CNNM1: variants seen among roughly 807,000 people sequenced by gnomAD.
The protein encoded by CNNM1 is metal transporter CNNM1.
Under a neutral mutation model 78.8 loss-of-function variants are expected in CNNM1, and 44 were observed. The ratio of observed to expected loss-of-function variants is 0.56; its 90% confidence interval spans 0.44 to 0.72. The LOEUF is 0.72. Ranked by LOEUF, CNNM1 falls within the 30% of genes least tolerant of loss-of-function variation. The pLI, the probability that CNNM1 is intolerant of heterozygous loss-of-function variation, is 0.00. For synonymous variants in CNNM1, 584 were observed against 581.5 expected (o/e 1.00, Z -0.06); for missense variants, 1,101 against 1,292.2 (o/e 0.85, Z 2.27).
At chr10:99,349,394 G>A (rs1170555770) in intron 1 of CNNM1, among the ~76,000 whole-genome samples, 1 of 152,082 alleles carries the variant, frequency 6.6e-6, no homozygotes, top group African/African-American at 2.4e-5. Context: ...ATATTTATCT[G>A]TAGGTGAGGA....
rs776210524 is a variant in CNNM1 at position 99,377,181 on chromosome 10, A to G, written c.2303A>G (p.Tyr768Cys). ...SSSNNLYMPD[Y>C]SVHILSDVQF... Reference sequence around the variant, plus strand: ...AGCAACAACCTCTACATGCCTGACTACTCAGTCCACATCCTCAGCGATGTG... The same window carrying G: ...AGCAACAACCTCTACATGCCTGACTGCTCAGTCCACATCCTCAGCGATGTG... Residue 768 changes from tyrosine (Y) to cysteine (C), a missense_variant, in exon 7 of 11, where the codon TAC (tyrosine) becomes TGC (cysteine). Tyr to Cys is a radical substitution (Grantham distance 194, BLOSUM62 -2). Transcript: ENST00000356713. The G allele has an allele frequency of 6.2e-7, 1 of 1,613,438 alleles. No individual in the cohort carries two copies. The highest frequency in any genetic ancestry group is 8.5e-7 in the Non-Finnish European group (1 of 1,179,788).
At chr10:99,386,428 C>G (rs1458960183) in intron 7 of CNNM1, among the ~76,000 whole-genome samples, 1 of 152,180 alleles carries the variant, frequency 6.6e-6, no homozygotes, top group Non-Finnish European at 1.5e-5. Flanking sequence ...AATTCTGATG[C>G]TGAGGTTTGA....
At chr10:99,342,442 T>C (rs1296972634) in intron 1 of CNNM1, among the ~76,000 whole-genome samples, 1 of 152,252 alleles carries the variant, frequency 6.6e-6, no homozygotes, top group South Asian at 2.1e-4. Context: ...TTGGCTTTTT[T>C]ATAATTGCCT....
chr10:99,352,363 CAT>C (rs1335244184), intron 1 of CNNM1, among the ~76,000 whole-genome samples: 5 of 152,278 alleles, frequency 3.3e-5, no homozygotes, highest in East Asian at 3.9e-4. Context: ...TGTTTGGAAA[CAT>C]GTACAAGTTT....
At position 99,378,110 on chromosome 10, in the gene CNNM1, C is replaced by T. The variant is rs968365024; in HGVS notation, c.2340+892C>T. ...TCCCGAGTAGCTGGGACTACAGGCACGTGCCACCACGTCCAGCTAACTTTT... is the reference window on the plus strand; with the variant it reads ...TCCCGAGTAGCTGGGACTACAGGCATGTGCCACCACGTCCAGCTAACTTTT... On this transcript the variant is annotated intron_variant, in intron 7 of 10. Transcript: ENST00000356713. 3.9e-5 allele frequency among the ~76,000 whole-genome samples: 6 copies of T among 152,144 alleles called. No homozygotes were observed. The South Asian group carries it at 1.0e-3, about 26-fold the overall frequency.
intron 1 of CNNM1, among the ~76,000 whole-genome samples, chr10:99,341,349 G>A (rs558356966): frequency 2.2e-4 from 33 of 152,040 alleles, no homozygotes; most frequent in Admixed American, 9.8e-4. Flanking sequence ...AACATCGTCT[G>A]GGCAGGTCAG....
intron 1 of CNNM1, among the ~76,000 whole-genome samples, chr10:99,348,808 T>C (rs1384194289): frequency 2.0e-5 from 3 of 152,102 alleles, no homozygotes; most frequent in Non-Finnish European, 4.4e-5. Context: ...TCCCAGCACT[T>C]TGGGAGGCCA....
rs192431683 is a variant in CNNM1, at chr10:99,378,025, G to A, written c.2340+807G>A. Among the ~76,000 whole-genome samples, 32 of 144,584 alleles carry A rather than the reference G, an allele frequency of 2.2e-4. No individual in the cohort carries two copies. The South Asian group carries it at 4.8e-3, about 22-fold the overall frequency. The allele number at this position is 144,584 out of a possible 152,430, so 94.9% of individuals were successfully genotyped here. On this transcript the variant is annotated intron_variant, in intron 7 of 10. Coordinates refer to ENST00000356713, the MANE Select transcript of CNNM1 (RefSeq NM_020348.3). ...GTTGCCCAGGCTGGAGTGCAGTGGC[G>A]TGATCTCGGCTCACTGCAACCTCCA...
rs763835141 is a variant in CNNM1, at chr10:99,364,521, T to A, written c.2128+5T>A. ...TCATGACCACTGCTTGCTCAGGTAT[T>A]CTAGTTTCCATTTGTTTATTGGGAA... On this transcript the variant is annotated splice_donor_5th_base_variant and intron_variant, in intron 5 of 10. Coordinates refer to ENST00000356713, the MANE Select transcript of CNNM1 (RefSeq NM_020348.3). 6.2e-7 allele frequency: 1 copy of A among 1,603,748 alleles called. No individual in the cohort carries two copies. Among genetic ancestry groups the A allele is most frequent in the Non-Finnish European group, 8.5e-7 (1 of 1,174,192 alleles).
intron 4 of CNNM1, among the ~76,000 whole-genome samples, chr10:99,362,851 C>G (rs2031487229): frequency 6.6e-6 from 1 of 152,170 alleles, no homozygotes; most frequent in African/African-American, 2.4e-5. Flanking sequence ...GCTCTGCTCT[C>G]TGGAGGTACA....
chr10:99,330,295 C>T lies in CNNM1; in HGVS notation c.908C>T (p.Thr303Ile). The T allele has an allele frequency of 6.3e-7, 1 of 1,582,690 alleles. No individual in the cohort carries two copies. The highest frequency in any genetic ancestry group is 8.6e-7 in the Non-Finnish European group (1 of 1,165,068). Residue 303 changes from threonine (T) to isoleucine (I), a missense_variant, in exon 1 of 11, where the codon ACC becomes ATC. Physicochemically the swap from Thr to Ile is moderately conservative, Grantham distance 89. Transcript: ENST00000356713. ...GCGGCCCTGGCTGGCTGGCTGTACA[C>T]CTCGCTGCCGCCGGGCTTCGGGGGC... ...ANAALAGWLY[T>I]SLPPGFGGTG...
intron 1 of CNNM1, among the ~76,000 whole-genome samples, chr10:99,333,774 CTT>C (rs2030039138): frequency 6.6e-6 from 1 of 152,226 alleles, no homozygotes; most frequent in Non-Finnish European, 1.5e-5. Context: ...CATATCAACT[CTT>C]ATATCCCCAG....
At chr10:99,389,836 A>G (rs2032419051) in intron 9 of CNNM1, among the ~76,000 whole-genome samples, 1 of 152,160 alleles carries the variant, frequency 6.6e-6, no homozygotes, top group African/African-American at 2.4e-5. Flanking sequence ...GGGCTCTCAG[A>G]TTCTGTAACT....
intron 7 of CNNM1, among the ~76,000 whole-genome samples, chr10:99,384,125 G>A (rs2032238460): frequency 6.6e-6 from 1 of 152,082 alleles, no homozygotes; most frequent in East Asian, 1.9e-4. Context: ...AATTACCGAC[G>A]GGACTCACGT....
intron 2 of CNNM1, 134 bp downstream of exon 2, chr10:99,357,789 C>G (rs1313366164): frequency 2.6e-6 from 2 of 761,200 alleles, no homozygotes. Flanking sequence ...CCACCTATGC[C>G]AGGTGCTGCT....
intron 6 of CNNM1, among the ~76,000 whole-genome samples, chr10:99,365,467 G>A (rs755288694): frequency 1.3e-5 from 2 of 152,162 alleles, no homozygotes; most frequent in African/African-American, 4.8e-5. Flanking sequence ...TGTGCAATAC[G>A]TTGCTTATCT....
At position 99,330,868 on chromosome 10, in the gene CNNM1, C is replaced by G; in HGVS notation, c.1481C>G (p.Pro494Arg). ...LAFVDPDDCTPLLTVTRFYNR... is the reference protein window; with the variant it reads ...LAFVDPDDCTRLLTVTRFYNR... ...TTCGTGGACCCCGACGACTGCACCC[C>G]GCTCCTCACTGTCACCCGCTTCTAC... The change falls in exon 1 of 11, where the codon CCG (proline) becomes CGG (arginine). Residue 494 changes from proline (P) to arginine (R), a missense_variant. By Grantham distance (103) the Pro-to-Arg change is moderately radical. Around this residue, in one of 3 missense-constraint regions of CNNM1, gnomAD observed 277 missense variants for 423.2 expected, o/e 0.65. Transcript: ENST00000356713. 6.2e-7 allele frequency: 1 copy of G among 1,614,168 alleles called. No homozygotes were observed. The highest frequency in any genetic ancestry group is 8.5e-7 in the Non-Finnish European group (1 of 1,180,026).
At chr10:99,369,824 C>T (rs2031742727) in intron 6 of CNNM1, among the ~76,000 whole-genome samples, 1 of 152,136 alleles carries the variant, frequency 6.6e-6, no homozygotes, top group Non-Finnish European at 1.5e-5. Flanking sequence ...GGTGCCCTCA[C>T]CAGCTAAATG....
intron 1 of CNNM1, among the ~76,000 whole-genome samples, chr10:99,346,926 C>T (rs1278928508): frequency 6.6e-6 from 1 of 152,134 alleles, no homozygotes; most frequent in African/African-American, 2.4e-5. Flanking sequence ...CTATTCTTAA[C>T]ACAGCAGTTT....
Sources: allele counts gnomAD v4.1 joint callset (sites outside exome capture counted in the v4.1 genomes callset), GRCh38; gene constraint gnomAD v4.1.1; regional missense constraint gnomAD v4.1.1; transcripts MANE v1.5; gene names NCBI Gene and HGNC (gene_info 2026-07-23, HGNC 2026-07-21).